CLCA4: variants seen among roughly 807,000 people sequenced by gnomAD.
CLCA4 encodes chloride channel accessory 4, also known as calcium-activated chloride channel regulator 4.
In CLCA4, 69 loss-of-function variants were observed where a neutral mutation model predicts 78.9. The observed-to-expected ratio is 0.87, with a 90% CI of 0.72 to 1.07. The LOEUF (loss-of-function observed/expected upper bound fraction) is 1.07, where lower values mean the gene tolerates loss of function less well. Among genes scored for constraint, CLCA4 ranks in the 50% least tolerant of loss-of-function variants. The pLI, the probability that CLCA4 is intolerant of heterozygous loss-of-function variation, is 0.00. For missense variants in CLCA4, 1,133 were observed against 1,095.8 expected (o/e 1.03, Z -0.48); for synonymous variants, 362 against 375.8 (o/e 0.96, Z 0.42).
At chr1:86,565,580 C>T (rs1172785288) in intron 5 of CLCA4, 129 bp downstream of exon 5, 4 of 752,754 alleles carry the variant, frequency 5.3e-6, no homozygotes, top group Non-Finnish European at 8.5e-6. Context: ...CTGGCTAACA[C>T]ATAGTATTTG....
At chr1:86,576,797 G>A (rs1366729553) in intron 11 of CLCA4, among the ~76,000 whole-genome samples, 2 of 152,018 alleles carry the variant, frequency 1.3e-5, no homozygotes, top group African/African-American at 4.8e-5. Context: ...GGTCTGGCTG[G>A]TAGGAATCAA....
chr1:86,548,391 G>T (rs1427081728), intron 1 of CLCA4, among the ~76,000 whole-genome samples: 2 of 152,032 alleles, frequency 1.3e-5, no homozygotes, highest in African/African-American at 2.4e-5. Flanking sequence ...CCCAAGAATT[G>T]GGATGTCAGC....
intron 1 of CLCA4, among the ~76,000 whole-genome samples, chr1:86,554,178 T>C (rs1024870390): frequency 7.2e-5 from 11 of 152,170 alleles, no homozygotes; most frequent in African/African-American, 2.7e-4. Flanking sequence ...CCAGTGTCTC[T>C]TGTTCTCTTC....
At position 86,551,287 on chromosome 1, in the gene CLCA4, C is replaced by T. The variant is rs540708564; in HGVS notation, c.159+4009C>T. Among the ~76,000 whole-genome samples, 234 of 152,158 alleles carry T rather than the reference C, an allele frequency of 1.5e-3. 2 individuals carry two copies. The highest frequency in any genetic ancestry group is 5.4e-3 in the African/African-American group (226 of 41,504). The stretch of plus-strand genomic sequence containing the variant: ...ACCCAAAACTTTAAAAATCCTTATG[C>T]CTTGTCTATTTTCTTTACCTTTGTT... On this transcript the variant is annotated intron_variant, in intron 1 of 13. Transcript: ENST00000370563.
At chr1:86,562,238 G>A (rs1412390409) in intron 3 of CLCA4, among the ~76,000 whole-genome samples, 2 of 152,208 alleles carry the variant, frequency 1.3e-5, no homozygotes, top group Non-Finnish European at 2.9e-5. Flanking sequence ...GGAAACCTGA[G>A]AACGAATCAA....
chr1:86,553,106 G>T, intron 1 of CLCA4: 1 of 749,548 alleles, frequency 1.3e-6, no homozygotes, highest in South Asian at 1.6e-5. Context: ...TGGGGTGTGC[G>T]CCGTATCCCA....
chr1:86,553,975 C>CTTCTT (rs1200890913), intron 1 of CLCA4, among the ~76,000 whole-genome samples: 1 of 152,112 alleles, frequency 6.6e-6, no homozygotes, highest in South Asian at 2.1e-4. Flanking sequence ...CCCATAGTGT[C>CTTCTT]TTCTTTTCTT....
chr1:86,577,442 A>G (rs1166153808), intron 11 of CLCA4, among the ~76,000 whole-genome samples: 1 of 152,104 alleles, frequency 6.6e-6, no homozygotes, highest in Non-Finnish European at 1.5e-5. Context: ...CAGATTTAGT[A>G]ATTTTAGTTG....
Position 86,560,337 on chromosome 1 carries a change from C to T in CLCA4, c.427C>T (p.Gln143Ter), listed in dbSNP as rs1182833351. The change falls in exon 3 of 14, where the codon CAA (glutamine) becomes TAA (stop). Residue 143 changes from glutamine (Q) to a stop codon, truncating the protein, a stop_gained. Transcript: ENST00000370563. LOFTEE classifies it high-confidence loss of function. ...FTPDLLLGKKQNEYGPPGKLF... is the reference protein window; with the variant it reads ...FTPDLLLGKK ...CCCTGACCTTCTACTTGGAAAAAAA[C>T]AAAATGAATATGGACCACCAGGTAG... 2.5e-6 allele frequency: 4 copies of T among 1,613,266 alleles called. No individual in the cohort carries two copies. Among genetic ancestry groups the T allele is most frequent in the Non-Finnish European group, 3.4e-6 (4 of 1,179,752 alleles).
intron 1 of CLCA4, chr1:86,553,414 G>A (rs949919720): frequency 4.8e-6 from 2 of 414,972 alleles, no homozygotes; most frequent in African/African-American, 4.2e-5. Flanking sequence ...CAGAAGAGGC[G>A]AGGCAGCAGA....
In CLCA4 at chr1:86,575,412, T is replaced by G; in HGVS notation, c.1764T>G (p.Asn588Lys). The change falls in exon 11 of 14, where the codon AAT becomes AAG. Residue 588 changes from asparagine to lysine, a missense_variant. Transcript: ENST00000370563. ...LTITVTSRAA[N>K]SSVPPITVNA... ...TTACAGTAACTTCTCGAGCAGCAAATTCTTCTGTGCCTCCAATCACAGTGA... is the reference window on the plus strand; with the variant it reads ...TTACAGTAACTTCTCGAGCAGCAAAGTCTTCTGTGCCTCCAATCACAGTGA... The G allele has an allele frequency of 1.2e-6, 2 of 1,613,408 alleles. No homozygotes were observed. The highest frequency in any genetic ancestry group is 1.7e-6 in the Non-Finnish European group (2 of 1,179,556).
chr1:86,573,785 G>C (rs1650427731), intron 9 of CLCA4, among the ~76,000 whole-genome samples: 1 of 152,012 alleles, frequency 6.6e-6, no homozygotes, highest in Non-Finnish European at 1.5e-5. Flanking sequence ...GAAGTAAGGA[G>C]AGAGAACTGA....
At chr1:86,553,109 G>A (rs1193811909) in intron 1 of CLCA4, 19 of 755,340 alleles carry the variant, frequency 2.5e-5, no homozygotes, top group Non-Finnish European at 3.3e-5. Context: ...GGTGTGCGCC[G>A]TATCCCATCC....
chr1:86,559,858 G>C, intron 1 of CLCA4, 74 bp from the exon 2 acceptor site: 3 of 1,175,096 alleles, frequency 2.6e-6, no homozygotes, highest in Non-Finnish European at 2.5e-6. Context: ...GTTGGGAAAT[G>C]CCTGTCACAA....
chr1:86,565,519 C>A, intron 5 of CLCA4, 68 bp downstream of exon 5: 3 of 1,255,860 alleles, frequency 2.4e-6, no homozygotes, highest in Non-Finnish European at 3.3e-6. Flanking sequence ...TTTAAAGTAT[C>A]TGTTCAGGTG....
chr1:86,571,074 C>T lies in CLCA4; in HGVS notation c.1183-3C>T. The T allele has an allele frequency of 6.2e-7, 1 of 1,603,814 alleles. No individual in the cohort carries two copies. The highest frequency in any genetic ancestry group is 8.5e-7 in the Non-Finnish European group (1 of 1,172,336). On this transcript the variant is annotated splice_region_variant and splice_polypyrimidine_tract_variant and intron_variant, in intron 7 of 13. Transcript: ENST00000370563. Reference sequence around the variant, plus strand: ...GTAACTGTGCTCTGCATTATGTTTGCAGGTGATTGGAGAGCTACATTCCCA... The same window carrying T: ...GTAACTGTGCTCTGCATTATGTTTGTAGGTGATTGGAGAGCTACATTCCCA...
In CLCA4 at chr1:86,552,850, A is replaced by T. The variant is rs533194969; in HGVS notation, c.159+5572A>T. 5.1e-4 allele frequency: 392 copies of T among 772,806 alleles called. 1 individual carries two copies. The highest frequency in any genetic ancestry group is 8.0e-4 in the Non-Finnish European group (354 of 440,868). 47.9% of individuals were successfully genotyped at this position (772,806 alleles called of 1,614,324 possible). On this transcript the variant is annotated intron_variant, in intron 1 of 13. Transcript: ENST00000370563. ...GATTTTAGTCTCCAGCGTTTCATAT[A>T]TATCTGATCGAGTGATTTGCGAAAG... is the stretch of plus-strand genomic sequence containing the variant.
At chr1:86,558,121 C>T (rs908275854) in intron 1 of CLCA4, among the ~76,000 whole-genome samples, 4 of 152,052 alleles carry the variant, frequency 2.6e-5, no homozygotes, top group African/African-American at 9.7e-5. Context: ...AGATAACATA[C>T]CATTGGGTCT....
intron 1 of CLCA4, chr1:86,552,870 C>G (rs78801141): frequency 1.1e-5 from 8 of 718,508 alleles, no homozygotes; most frequent in Non-Finnish European, 1.5e-5. Context: ...GAGTGATTTG[C>G]GAAAGCTTCC....
Sources: gnomAD v4.1 joint callset for allele counts (sites outside exome capture counted in the v4.1 genomes callset) on GRCh38, gnomAD v4.1.1 for gene constraint, MANE v1.5 for transcripts, NCBI Gene and HGNC (gene_info 2026-07-23, HGNC 2026-07-21) for gene names.